The following ZNF837 variants were observed in gnomAD, a reference collection of about 807,000 sequenced individuals.
ZNF837 encodes zinc finger protein 837.
For missense variants in ZNF837, 955 were observed against 801.7 expected, an observed-to-expected ratio of 1.19 and a Z score of -2.31; for synonymous variants, 475 against 365.2, an observed-to-expected ratio of 1.30 and a Z score of -3.43.
rs1269422373 is a variant in ZNF837, at chr19:58,367,876, C to A, written c.1457G>T (p.Arg486Leu). Residue 486 changes from arginine to leucine, a missense_variant, in exon 3 of 3, where the codon CGC becomes CTC. By Grantham distance (102) the Arg-to-Leu change is moderately radical. Coordinates refer to ENST00000597582, the MANE Select transcript of ZNF837 (RefSeq NM_138466.2). The part of the protein sequence containing the change: ...ICRDCGKAFV[R>L]NCSLVRHLRT... ...CAGGTGGCGCACCAGGCTGCAGTTG[C>A]GCACGAAGGCCTTGCCGCAGTCGCG... 3 of 1,534,720 alleles carry A rather than the reference C, an allele frequency of 2.0e-6. No individual in the cohort carries two copies. Among genetic ancestry groups the A allele is most frequent in the Non-Finnish European group, 2.6e-6 (3 of 1,144,032 alleles).
In ZNF837 at chr19:58,368,226, G is replaced by T; in HGVS notation, c.1107C>A (p.Ala369=). 1 of 1,519,302 alleles carries T rather than the reference G, an allele frequency of 6.6e-7. No homozygotes were observed. The allele number at this position is 1,519,302 out of a possible 1,614,324, so 94.1% of individuals were successfully genotyped here. A position where few individuals can be genotyped will look rare whatever the true frequency, so the allele number is the denominator to read the frequency against. ...GEKPYECADC[A]KAFGLFSHLV... ...GGTGCGAGAACAGCCCGAAGGCCTTGGCGCAGTCGGCGCACTCGTACGGCT... is the reference window on the plus strand; with the variant it reads ...GGTGCGAGAACAGCCCGAAGGCCTTTGCGCAGTCGGCGCACTCGTACGGCT... Residue 369 remains alanine, a synonymous_variant, in exon 3 of 3, where the codon GCC becomes GCA. Coordinates refer to ENST00000597582, the MANE Select transcript of ZNF837 (RefSeq NM_138466.2).
chr19:58,368,826 C>A lies in ZNF837; in HGVS notation c.507G>T (p.Pro169=). 1 of 1,546,624 alleles carries A rather than the reference C, an allele frequency of 6.5e-7. No homozygotes were observed. The highest frequency in any genetic ancestry group is 8.7e-7 in the Non-Finnish European group (1 of 1,146,678). Residue 169 remains proline (P), a synonymous_variant, in exon 3 of 3, where the codon CCG becomes CCT. Coordinates refer to ENST00000597582, the MANE Select transcript of ZNF837 (RefSeq NM_138466.2). ...TCGGAGCGCCAGTCCCTGGTTGGCA[C>A]GGCCAACAGTCCGTGTGGACCTCAC... ...QLCEVHTDCW[P]CQPGTGAPTC... is the part of the protein sequence containing the mutation.
At position 58,368,547 on chromosome 19, in the gene ZNF837, GACAAT is replaced by G; in HGVS notation, c.781_785del (p.Ile261ProfsTer300). 6.7e-7 allele frequency: 1 copy of G among 1,481,612 alleles called. No homozygotes were observed. Among genetic ancestry groups the G allele is most frequent in the Non-Finnish European group, 9.2e-7 (1 of 1,092,020 alleles). The allele number at this position is 1,481,612 out of a possible 1,614,324, so 91.8% of individuals were successfully genotyped here. On this transcript the variant is annotated frameshift_variant, in exon 3 of 3. Coordinates refer to ENST00000597582, the MANE Select transcript of ZNF837 (RefSeq NM_138466.2). LOFTEE classifies it low-confidence loss of function (END_TRUNC). ...ACAGTCGCTGGGCCGGGGGGTCGGG[GACAAT>G]AGGGCGAGGTCGCGAGGTTTGGCCG...
chr19:58,369,003 G>C lies in ZNF837; in HGVS notation c.330C>G (p.Ala110=). The C allele has an allele frequency of 6.6e-7, 1 of 1,518,076 alleles. No homozygotes were observed. The highest frequency in any genetic ancestry group is 2.1e-5 in the Admixed American group (1 of 47,158). The allele number at this position is 1,518,076 out of a possible 1,614,324, so 94.0% of individuals were successfully genotyped here. ...CTGGGCTCCTACAGGGGCCCTCCCG[G>C]GCTTGCAGCCCCTCGGGGATAACCA... is the stretch of plus-strand genomic sequence containing the variant. ...PELVIPEGLQ[A]REGPCRSPAR... is the part of the protein sequence containing the mutation. The change falls in exon 3 of 3, where the codon GCC becomes GCG. Residue 110 remains alanine (A), a synonymous_variant. Coordinates refer to ENST00000597582, the MANE Select transcript of ZNF837 (RefSeq NM_138466.2).
At position 58,368,609 on chromosome 19, in the gene ZNF837, C is replaced by T. The variant is rs7255596; in HGVS notation, c.724G>A (p.Ala242Thr). 0.93 allele frequency: 1,431,495 copies of T among 1,533,348 alleles called. 669,064 individuals carry two copies. The highest frequency in any genetic ancestry group is 0.95 in the Non-Finnish European group (1,083,581 of 1,144,424). 95.0% of individuals were successfully genotyped at this position (1,533,348 alleles called of 1,614,324 possible). A position where few individuals can be genotyped will look rare whatever the true frequency, so the allele number is the denominator to read the frequency against. Reference protein sequence around the residue: ...KRFRPNQQQQAGKSPPVCPEC... With the variant: ...KRFRPNQQQQTGKSPPVCPEC... The stretch of plus-strand genomic sequence containing the variant: ...GGACACACTGGGGGACTCTTGCCCG[C>T]CTGCTGCTGCTGGTTGGGGCGGAAG... The change falls in exon 3 of 3, where the codon GCG (alanine) becomes ACG (threonine). Residue 242 changes from alanine to threonine, a missense_variant. By Grantham distance (58) the Ala-to-Thr change is moderately conservative. Transcript: ENST00000597582.
At chr19:58,380,575 C>G (rs1336728811) in intron 1 of ZNF837, among the ~76,000 whole-genome samples, 1 of 152,206 alleles carries the variant, frequency 6.6e-6, no homozygotes, top group African/African-American at 2.4e-5. Context: ...GGCCAGGATG[C>G]GGGGGCAGAG....
intron 1 of ZNF837, among the ~76,000 whole-genome samples, chr19:58,378,027 T>C (rs1299603377): frequency 6.6e-6 from 1 of 152,214 alleles, no homozygotes; most frequent in Non-Finnish European, 1.5e-5. Context: ...CTGCAGGTTT[T>C]GTAGTGTTCC....
chr19:58,377,349 T>C (rs1435516488), intron 1 of ZNF837, among the ~76,000 whole-genome samples: 2 of 147,620 alleles, frequency 1.4e-5, no homozygotes, highest in African/African-American at 2.5e-5. Context: ...TACTAAAAAA[T>C]AGAAAAAATT....
intron 1 of ZNF837, among the ~76,000 whole-genome samples, chr19:58,375,470 C>T (rs539437511): frequency 7.8e-4 from 118 of 150,838 alleles, no homozygotes; most frequent in Middle Eastern, 3.4e-3. Flanking sequence ...TTTTTTGAGA[C>T]GGAGTCTCCC....
chr19:58,375,439 T>C (rs1161742924), intron 1 of ZNF837, among the ~76,000 whole-genome samples: 1 of 149,910 alleles, frequency 6.7e-6, no homozygotes, highest in Non-Finnish European at 1.5e-5. Flanking sequence ...TATATTTTTG[T>C]TTTGTTTTGT....
At chr19:58,377,927 G>C (rs148567408) in intron 1 of ZNF837, among the ~76,000 whole-genome samples, 1 of 152,164 alleles carries the variant, frequency 6.6e-6, no homozygotes. Context: ...TCTCTCTCTC[G>C]AGTCCATCTG....
In ZNF837 at chr19:58,369,294, G is replaced by GC; in HGVS notation, c.38_39insG (p.Lys15GlnfsTer43). On this transcript the variant is annotated frameshift_variant, in exon 3 of 3. Transcript: ENST00000597582. LOFTEE classifies it low-confidence loss of function (END_TRUNC). The stretch of plus-strand genomic sequence containing the variant: ...AGGCACCCTGGGCATCGGCCTTGGG[G>GC]AGTCCTCCCTGCCCAGCCTTCTGGG... 7.2e-7 allele frequency: 1 copy of GC among 1,392,564 alleles called. No individual in the cohort carries two copies. The highest frequency in any genetic ancestry group is 9.3e-7 in the Non-Finnish European group (1 of 1,079,162). 86.3% of individuals were successfully genotyped at this position (1,392,564 alleles called of 1,614,324 possible). A position where few individuals can be genotyped will look rare whatever the true frequency, so the allele number is the denominator to read the frequency against.
chr19:58,368,225 T>TGGCGCAGTC lies in ZNF837; in HGVS notation c.1099_1107dup (p.Asp367_Ala369dup). On this transcript the variant is annotated inframe_insertion, in exon 3 of 3. Transcript: ENST00000597582. ...AGGTGCGAGAACAGCCCGAAGGCCT[T>TGGCGCAGTC]GGCGCAGTCGGCGCACTCGTACGGC... 6.5e-7 allele frequency: 1 copy of TGGCGCAGTC among 1,527,404 alleles called. No individual in the cohort carries two copies. The highest frequency in any genetic ancestry group is 2.1e-5 in the Admixed American group (1 of 48,004). 94.6% of individuals were successfully genotyped at this position (1,527,404 alleles called of 1,614,324 possible). A position where few individuals can be genotyped will look rare whatever the true frequency, so the allele number is the denominator to read the frequency against.
In ZNF837 at chr19:58,368,883, C is replaced by T. The variant is rs1159647001; in HGVS notation, c.450G>A (p.Glu150=). ...GAGTCCGGGGGTGGTTCTGGATCCG[C>T]TCCGGACAGGGGTCACACACGGGTG... is the stretch of plus-strand genomic sequence containing the variant. ...ETPPVCDPCP[E]RIQNHPRTQL... Residue 150 remains glutamate (E), a synonymous_variant, in exon 3 of 3, where the codon GAG becomes GAA. Coordinates refer to ENST00000597582, the MANE Select transcript of ZNF837 (RefSeq NM_138466.2). The T allele has an allele frequency of 1.3e-6, 2 of 1,547,986 alleles. No individual in the cohort carries two copies. The highest frequency in any genetic ancestry group is 1.2e-5 in the South Asian group (1 of 84,048).
At chr19:58,371,930 C>A (rs2052205763) in intron 1 of ZNF837, among the ~76,000 whole-genome samples, 1 of 151,992 alleles carries the variant, frequency 6.6e-6, no homozygotes, top group South Asian at 2.1e-4. Context: ...ACCATGCTGG[C>A]CAGGCTGGTC....
chr19:58,371,037 C>G (rs925096028), intron 1 of ZNF837, among the ~76,000 whole-genome samples: 55 of 151,818 alleles, frequency 3.6e-4, no homozygotes, highest in Non-Finnish European at 3.7e-4. Context: ...GTCAGGAGAT[C>G]GATACCATCC....
At position 58,369,095 on chromosome 19, in the gene ZNF837, GCCGGGTC is replaced by G. The variant is rs2052175496; in HGVS notation, c.231_237del (p.Arg79AlafsTer326). 1.7e-5 allele frequency: 26 copies of G among 1,509,208 alleles called. No homozygotes were observed. Among genetic ancestry groups the G allele is most frequent in the Non-Finnish European group, 2.1e-5 (24 of 1,129,254 alleles). 93.5% of individuals were successfully genotyped at this position (1,509,208 alleles called of 1,614,324 possible). On this transcript the variant is annotated frameshift_variant, in exon 3 of 3. Transcript: ENST00000597582. LOFTEE classifies it low-confidence loss of function (END_TRUNC). ...ACGAGGGGTCTGGTCCCGGCGCTGT[GCCGGGTC>G]CCCGGGCCGGGGCTCACCCCGAGGC...
At chr19:58,379,499 G>C (rs1378815574) in intron 1 of ZNF837, among the ~76,000 whole-genome samples, 1 of 152,208 alleles carries the variant, frequency 6.6e-6, no homozygotes, top group Non-Finnish European at 1.5e-5. Flanking sequence ...GCTGAGCACA[G>C]CAAACACAAT....
intron 1 of ZNF837, among the ~76,000 whole-genome samples, chr19:58,372,713 T>C (rs983016016): frequency 1.3e-5 from 2 of 152,208 alleles, no homozygotes; most frequent in African/African-American, 4.8e-5. Context: ...GGGGGGTTAT[T>C]TCCTTCTTGG....
Sources: gnomAD v4.1 joint callset for allele counts (sites outside exome capture counted in the v4.1 genomes callset) on GRCh38, gnomAD v4.1.1 for gene constraint, MANE v1.5 for transcripts, NCBI Gene and HGNC (gene_info 2026-07-23, HGNC 2026-07-21) for gene names.